The following AFDN variants were observed in gnomAD, a reference collection of about 807,000 sequenced individuals.
The protein encoded by AFDN is afadin.
A neutral mutation model predicts 216.6 loss-of-function variants in AFDN; 68 were observed. That is an observed-to-expected ratio of 0.31 (90% CI 0.26 to 0.38). AFDN has a LOEUF of 0.38. Among genes scored for constraint, AFDN ranks in the 10% least tolerant of loss-of-function variants. AFDN has a pLI of 1.00. For missense variants in AFDN, 2,136 were observed against 2,342.0 expected, an observed-to-expected ratio of 0.91 and a Z score of 1.82; for synonymous variants, 868 against 853.7, an observed-to-expected ratio of 1.02 and a Z score of -0.29.
chr6:167,943,786 G>C (rs777888560), intron 25 of AFDN, among the ~76,000 whole-genome samples, 155 bp from the exon 26 acceptor site: 20 of 152,172 alleles, frequency 1.3e-4, no homozygotes, highest in Non-Finnish European at 1.9e-4. Context: ...AGGAGAAAAT[G>C]GGTAGTGAGT....
At chr6:167,853,916 T>TA (rs1386441972) in intron 1 of AFDN, among the ~76,000 whole-genome samples, 1 of 152,118 alleles carries the variant, frequency 6.6e-6, no homozygotes, top group Admixed American at 6.6e-5. Context: ...TTTGCTTTTA[T>TA]AAACATTGCC....
At chr6:167,827,317 C>A (rs1325859398) in intron 1 of AFDN, 80 bp downstream of exon 1, 2 of 469,878 alleles carry the variant, frequency 4.3e-6, no homozygotes, top group African/African-American at 2.4e-5. Flanking sequence ...CCGCCGCCCG[C>A]CAGCCGCGGA....
At chr6:167,949,927 T>C (rs1220160894) in intron 29 of AFDN, among the ~76,000 whole-genome samples, 1 of 152,100 alleles carries the variant, frequency 6.6e-6, no homozygotes, top group Non-Finnish European at 1.5e-5. Context: ...TGAAAAGTTA[T>C]GATGGGGTTT....
At chr6:167,901,078 A>G (rs943976791) in intron 11 of AFDN, among the ~76,000 whole-genome samples, 3 of 152,170 alleles carry the variant, frequency 2.0e-5, no homozygotes, top group Non-Finnish European at 4.4e-5. Context: ...TGCTCTTCTA[A>G]TCTGAAAAGT....
At chr6:167,901,096 A>G (rs1380110226) in intron 11 of AFDN, among the ~76,000 whole-genome samples, 1 of 152,196 alleles carries the variant, frequency 6.6e-6, no homozygotes, top group Non-Finnish European at 1.5e-5. Flanking sequence ...AGTTGTTTTC[A>G]ACTTTTACAT....
chr6:167,929,457 T>C (rs577451952), intron 23 of AFDN, among the ~76,000 whole-genome samples: 83 of 152,322 alleles, frequency 5.4e-4, no homozygotes, highest in African/African-American at 1.9e-3. Flanking sequence ...CTGATGTGCA[T>C]GTCTACACTG....
intron 23 of AFDN, among the ~76,000 whole-genome samples, chr6:167,940,118 G>A (rs1443816413): frequency 6.6e-6 from 1 of 152,252 alleles, no homozygotes; most frequent in East Asian, 1.9e-4. Context: ...GAGGTAGCAA[G>A]TGGGCCATGA....
At chr6:167,935,164 C>T (rs919649160) in intron 23 of AFDN, among the ~76,000 whole-genome samples, 9 of 152,184 alleles carry the variant, frequency 5.9e-5, no homozygotes, top group African/African-American at 1.4e-4. Context: ...CTCGTTAGTC[C>T]CATCCCCACT....
chr6:167,830,596 A>G (rs190363366), intron 1 of AFDN, among the ~76,000 whole-genome samples: 47 of 152,354 alleles, frequency 3.1e-4, no homozygotes, highest in Non-Finnish European at 5.9e-4. Flanking sequence ...TTGACTATTT[A>G]GCTTCACGAG....
intron 1 of AFDN, among the ~76,000 whole-genome samples, chr6:167,843,529 A>G (rs1338471282): frequency 6.6e-6 from 1 of 152,114 alleles, no homozygotes; most frequent in African/African-American, 2.4e-5. Context: ...GGAGGACACA[A>G]TGTGCACAGT....
At chr6:167,865,535 C>A (rs1249076294) in intron 2 of AFDN, among the ~76,000 whole-genome samples, 2 of 152,164 alleles carry the variant, frequency 1.3e-5, no homozygotes, top group African/African-American at 4.8e-5. Flanking sequence ...ATCACTTGAG[C>A]TCAGGAGTTT....
chr6:167,882,964 A>G (rs776770406), intron 6 of AFDN, among the ~76,000 whole-genome samples: 8 of 152,140 alleles, frequency 5.3e-5, no homozygotes, highest in Non-Finnish European at 7.3e-5. Flanking sequence ...TGCAGAGTGA[A>G]ATGATTCCCC....
intron 1 of AFDN, among the ~76,000 whole-genome samples, chr6:167,836,136 T>C (rs758659308): frequency 4.6e-5 from 7 of 152,182 alleles, no homozygotes; most frequent in Non-Finnish European, 7.4e-5. Flanking sequence ...GCTATTAGAG[T>C]GATGACCATC....
chr6:167,881,160 G>A (rs1432094776), intron 6 of AFDN, among the ~76,000 whole-genome samples: 1 of 152,182 alleles, frequency 6.6e-6, no homozygotes, highest in East Asian at 1.9e-4. Context: ...AGTATTCAGT[G>A]TAGAGGTCTT....
rs59521151 is a variant in AFDN, at chr6:167,956,114, C to CAA, written c.4833+3952_4833+3953dup. Among the ~76,000 whole-genome samples the CAA allele has an allele frequency of 3.7e-3, 154 of 41,286 alleles. 12 individuals are homozygous for CAA. The highest frequency in any genetic ancestry group is 0.012 in the African/African-American group (127 of 11,038). The allele number at this position is 41,286 out of a possible 152,430, so 27.1% of individuals were successfully genotyped here. ...TGGGGAACAGAGCGAGACTTTGGCT[C>CAA]AAAAAAAAAAAAAAAAAAAAAAAAA... On this transcript the variant is annotated intron_variant, in intron 30 of 33. Coordinates refer to ENST00000683244, the MANE Select transcript of AFDN (RefSeq NM_001386888.1).
intron 20 of AFDN, 117 bp downstream of exon 20, chr6:167,917,349 C>G (rs1791212101): frequency 8.8e-7 from 1 of 1,130,334 alleles, no homozygotes; most frequent in East Asian, 2.8e-5. Flanking sequence ...TCTCATCTTA[C>G]AAGATCATTT....
intron 12 of AFDN, among the ~76,000 whole-genome samples, chr6:167,904,232 C>T (rs577294750): frequency 6.6e-6 from 1 of 151,412 alleles, no homozygotes; most frequent in South Asian, 2.1e-4. Context: ...CTTCCTGAGA[C>T]AGAGTCTGCT....
Position 167,879,770 on chromosome 6 carries a change from G to A in AFDN, c.740-590G>A, listed in dbSNP as rs192737177. Among the ~76,000 whole-genome samples the A allele has an allele frequency of 2.0e-5, 3 of 152,246 alleles. No individual in the cohort carries two copies. In the East Asian group the frequency reaches 5.8e-4, roughly 29 times the overall value. On this transcript the variant is annotated intron_variant, in intron 5 of 33. Coordinates refer to ENST00000683244, the MANE Select transcript of AFDN (RefSeq NM_001386888.1). ...TATAAAGGACATTGTAGTTTGTAGT[G>A]CCTGGAAGTAAAAATAGAACTCTGC...
intron 23 of AFDN, among the ~76,000 whole-genome samples, chr6:167,934,207 T>G (rs1562700531): frequency 6.6e-6 from 1 of 152,190 alleles, no homozygotes; most frequent in Non-Finnish European, 1.5e-5. Context: ...AGGGAAGAGA[T>G]AGATGTGGTC....
Sources: allele counts gnomAD v4.1 joint callset (sites outside exome capture counted in the v4.1 genomes callset), GRCh38; gene constraint gnomAD v4.1.1; transcripts MANE v1.5; gene names NCBI Gene and HGNC (gene_info 2026-07-23, HGNC 2026-07-21).